Variants in PSME3IP1 observed in about 807,000 individuals in gnomAD.
The protein encoded by PSME3IP1 is PSME3-interacting protein.
PSME3IP1 carries 13 observed loss-of-function variants against 34.1 expected under a neutral mutation model. That is an observed-to-expected ratio of 0.38 (90% confidence interval 0.25 to 0.61). The LOEUF (loss-of-function observed/expected upper bound fraction) is 0.61, where lower values mean the gene tolerates loss of function less well. Among genes scored for constraint, PSME3IP1 ranks in the 20% least tolerant of loss-of-function variants. PSME3IP1 has a pLI of 0.60. For missense variants in PSME3IP1, 237 were observed against 301.4 expected, an observed-to-expected ratio of 0.79 and a Z score of 1.58; for synonymous variants, 93 against 114.3, an observed-to-expected ratio of 0.81 and a Z score of 1.19.
intron 6 of PSME3IP1, among the ~76,000 whole-genome samples, chr16:57,161,733 T>C (rs111726115): frequency 0.015 from 2,279 of 152,128 alleles, 28 homozygotes; most frequent in Non-Finnish European, 0.021. Flanking sequence ...AGGATGGTCT[T>C]GATCTCCTGA....
chr16:57,182,569 A>AC (rs1171990172), intron 1 of PSME3IP1, among the ~76,000 whole-genome samples: 2 of 150,598 alleles, frequency 1.3e-5, no homozygotes, highest in East Asian at 3.8e-4. Flanking sequence ...AAAAAAAAAA[A>AC]AAAAAAACTT....
chr16:57,165,920 C>T (rs111699586), intron 5 of PSME3IP1, among the ~76,000 whole-genome samples: 2,912 of 152,110 alleles, frequency 0.019, 102 homozygotes, highest in African/African-American at 0.067. Context: ...AAATTGATCA[C>T]CTGGAGAGCC....
rs1178236121 is a variant in PSME3IP1 at position 57,153,456 on chromosome 16, T to A, written c.*834A>T. On this transcript the variant is annotated 3_prime_UTR_variant, in exon 7 of 7. Coordinates refer to ENST00000309137, the MANE Select transcript of PSME3IP1 (RefSeq NM_024946.4). ...GATTCCAGGAGCTGCCAGAAATAAG[T>A]CATCTCATTAACATACCTACCTGCA... is the stretch of plus-strand genomic sequence containing the variant. 6.6e-6 allele frequency: 1 copy of A among 152,248 alleles called. No individual in the cohort carries two copies. Among genetic ancestry groups the A allele is most frequent in the Non-Finnish European group, 1.5e-5 (1 of 68,058 alleles). 9.4% of individuals were successfully genotyped at this position (152,248 alleles called of 1,614,324 possible).
rs1293572313 is a variant in PSME3IP1 at position 57,161,507 on chromosome 16, TA to T, written c.547+2493del. Among the ~76,000 whole-genome samples, 15 of 123,062 alleles carry T rather than the reference TA, an allele frequency of 1.2e-4. 1 individual carries two copies. In the Admixed American group the frequency reaches 1.6e-3, roughly 13 times the overall value. The allele number at this position is 123,062 out of a possible 152,430, so 80.7% of individuals were successfully genotyped here. On this transcript the variant is annotated intron_variant, in intron 6 of 6. Transcript: ENST00000309137. ...TAATGTCTGGTCCTTGCTAAGATCATAATTTTTTTTTTTTTTTTTTTTGAGA... is the reference window on the plus strand; with the variant it reads ...TAATGTCTGGTCCTTGCTAAGATCATATTTTTTTTTTTTTTTTTTTTGAGA...
At chr16:57,172,400 T>C in intron 3 of PSME3IP1, 28 bp from the exon 4 acceptor site, 1 of 1,609,750 alleles carries the variant, frequency 6.2e-7, no homozygotes, top group Non-Finnish European at 8.5e-7. Context: ...CAAGGCACAC[T>C]TAGCAGGCTA....
At chr16:57,182,845 G>T (rs2073856508) in intron 1 of PSME3IP1, among the ~76,000 whole-genome samples, 1 of 152,152 alleles carries the variant, frequency 6.6e-6, no homozygotes, top group African/African-American at 2.4e-5. Context: ...GGGAGGCGGA[G>T]GTTGTAGTGA....
chr16:57,178,999 G>A (rs1035691078), intron 1 of PSME3IP1: 35 of 171,730 alleles, frequency 2.0e-4, no homozygotes, highest in Non-Finnish European at 3.8e-4. Flanking sequence ...TTGTTTGCTA[G>A]GGTAATTAAA....
rs569898318 is a variant in PSME3IP1, at chr16:57,178,022, A to G, written c.-15-4153T>C. On this transcript the variant is annotated intron_variant, in intron 1 of 6. Coordinates refer to ENST00000309137, the MANE Select transcript of PSME3IP1 (RefSeq NM_024946.4). ...AATTAATTAATTAGTAATAAAACTA[A>G]TATCATAATTCTGGCATTCCCTTGA... 7.2e-5 allele frequency among the ~76,000 whole-genome samples: 11 copies of G among 152,372 alleles called. 1 individual carries two copies. The South Asian group carries it at 2.1e-3, about 29-fold the overall frequency.
intron 6 of PSME3IP1, among the ~76,000 whole-genome samples, chr16:57,160,779 TAGGTTA>T (rs1159772866): frequency 1.3e-5 from 2 of 152,156 alleles, no homozygotes; most frequent in Admixed American, 1.3e-4. Context: ...ATGAACAGAG[TAGGTTA>T]GATTAAAATA....
chr16:57,154,532 C>A lies in PSME3IP1; in HGVS notation c.548-25G>T. On this transcript the variant is annotated intron_variant, in intron 6 of 6. Coordinates refer to ENST00000309137, the MANE Select transcript of PSME3IP1 (RefSeq NM_024946.4). This position sits in a 1 kb window ranked among gnomAD's most constrained non-coding sequence, Gnocchi z 4.0. Reference sequence around the variant, plus strand: ...TCTGCAATAAAAGGGGAAAGACTGTCACTTCATCACCCTTTTCCAAAGTTG... The same window carrying A: ...TCTGCAATAAAAGGGGAAAGACTGTAACTTCATCACCCTTTTCCAAAGTTG... 6.4e-7 allele frequency: 1 copy of A among 1,559,004 alleles called. No homozygotes were observed. The highest frequency in any genetic ancestry group is 1.2e-5 in the South Asian group (1 of 83,128).
Position 57,185,852 on chromosome 16 carries a change from C to A in PSME3IP1, c.-47G>T. The A allele has an allele frequency of 7.1e-6, 7 of 985,178 alleles. No homozygotes were observed. The highest frequency in any genetic ancestry group is 8.4e-6 in the Non-Finnish European group (7 of 829,912). 61.0% of individuals were successfully genotyped at this position (985,178 alleles called of 1,614,324 possible). ...GCGCGCGGGAGGCGAGACGACCTCA[C>A]CTCGGCGGCGCCCACCCCAAACCGC... is the stretch of plus-strand genomic sequence containing the variant. On this transcript the variant is annotated 5_prime_UTR_variant, in exon 1 of 7. Transcript: ENST00000309137.
chr16:57,171,753 C>T (rs2072614295), intron 4 of PSME3IP1, among the ~76,000 whole-genome samples: 1 of 152,112 alleles, frequency 6.6e-6, no homozygotes, highest in African/African-American at 2.4e-5. Context: ...TTTGATTCAG[C>T]CAAGTTTCAT....
At chr16:57,182,348 C>T (rs1177029480) in intron 1 of PSME3IP1, among the ~76,000 whole-genome samples, 1 of 151,578 alleles carries the variant, frequency 6.6e-6, no homozygotes, top group Non-Finnish European at 1.5e-5. Flanking sequence ...CATCTAGGCT[C>T]GCTTCAGAAC....
At chr16:57,173,665 AAT>A in intron 2 of PSME3IP1, 61 bp downstream of exon 2, 1 of 1,578,994 alleles carries the variant, frequency 6.3e-7, no homozygotes, top group East Asian at 2.2e-5. Context: ...GAGGACAATT[AAT>A]ACCTACTCTG....
Position 57,154,258 on chromosome 16 carries a change from G to C in PSME3IP1, c.*32C>G. ...AGCATGAACGGTCCGATCTACCCTT[G>C]GGGAGGAGCTCCCTGTGTAGGGACG... On this transcript the variant is annotated 3_prime_UTR_variant, in exon 7 of 7. Coordinates refer to ENST00000309137, the MANE Select transcript of PSME3IP1 (RefSeq NM_024946.4). This position sits in a 1 kb window ranked among gnomAD's most constrained non-coding sequence, Gnocchi z 4.0. 6.2e-7 allele frequency: 1 copy of C among 1,600,066 alleles called. No homozygotes were observed. Among genetic ancestry groups the C allele is most frequent in the South Asian group, 1.1e-5 (1 of 90,694 alleles).
intron 4 of PSME3IP1, among the ~76,000 whole-genome samples, chr16:57,170,901 C>T (rs112637759): frequency 0.018 from 2,759 of 152,194 alleles, 94 homozygotes; most frequent in African/African-American, 0.064. Flanking sequence ...GATGAAACCT[C>T]GTCTCTACTA....
chr16:57,185,942 G>A lies in PSME3IP1; in HGVS notation c.-137C>T. 1 of 984,020 alleles carries A rather than the reference G, an allele frequency of 1.0e-6. No homozygotes were observed. Among genetic ancestry groups the A allele is most frequent in the South Asian group, 4.7e-5 (1 of 21,230 alleles). The allele number at this position is 984,020 out of a possible 1,614,324, so 61.0% of individuals were successfully genotyped here. A position where few individuals can be genotyped will look rare whatever the true frequency, so the allele number is the denominator to read the frequency against. On this transcript the variant is annotated 5_prime_UTR_variant, in exon 1 of 7. Coordinates refer to ENST00000309137, the MANE Select transcript of PSME3IP1 (RefSeq NM_024946.4). ...GAAAGGAAGAAAGAAAGAAACAGAG[G>A]AAGGAATGAATGAAAGAAAGAAAAA...
At chr16:57,161,456 T>TA (rs60950027) in intron 6 of PSME3IP1, among the ~76,000 whole-genome samples, 2,024 of 151,600 alleles carry the variant, frequency 0.013, 51 homozygotes, top group African/African-American at 0.047. Flanking sequence ...AATACTTTTT[T>TA]AAAAAAAAGC....
intron 6 of PSME3IP1, among the ~76,000 whole-genome samples, chr16:57,162,067 T>C (rs1447544118): frequency 2.0e-5 from 3 of 151,968 alleles, no homozygotes; most frequent in Non-Finnish European, 4.4e-5. Flanking sequence ...GCAGCCCGAC[T>C]AATTTTGTAT....
Sources: gnomAD v4.1 joint callset for allele counts (sites outside exome capture counted in the v4.1 genomes callset) on GRCh38, gnomAD v4.1.1 for gene constraint, Gnocchi (gnomAD v3.1) non-coding constraint, MANE v1.5 for transcripts, NCBI Gene and HGNC (gene_info 2026-07-23, HGNC 2026-07-21) for gene names.